Variants in RPRD2 observed in about 807,000 individuals in gnomAD.
RPRD2 encodes regulation of nuclear pre-mRNA domain-containing protein 2.
A neutral mutation model predicts 104.4 loss-of-function variants in RPRD2; 12 were observed. The observed-to-expected ratio is 0.11, with a 90% CI of 0.07 to 0.19. The LOEUF is 0.19. RPRD2 is among the 10% of genes least tolerant of loss of function. The pLI is 1.00. For synonymous variants in RPRD2, 714 were observed against 684.9 expected (o/e 1.04, Z -0.66); for missense variants, 1,543 against 1,790.1 (o/e 0.86, Z 2.49).
intron 1 of RPRD2, among the ~76,000 whole-genome samples, chr1:150,374,330 C>G (rs1408243331): frequency 1.3e-5 from 2 of 152,220 alleles, no homozygotes; most frequent in South Asian, 2.1e-4. Context: ...CTTAGCCCTA[C>G]CTTGCCCCCT....
At chr1:150,370,546 T>C (rs1418459775) in intron 1 of RPRD2, among the ~76,000 whole-genome samples, 1 of 150,550 alleles carries the variant, frequency 6.6e-6, no homozygotes, top group Non-Finnish European at 1.5e-5. Flanking sequence ...AAATGGAAAA[T>C]ATTGTGTTAA....
intron 2 of RPRD2, among the ~76,000 whole-genome samples, chr1:150,429,727 T>C (rs1665422443): frequency 6.6e-6 from 1 of 152,248 alleles, no homozygotes; most frequent in Non-Finnish European, 1.5e-5. Flanking sequence ...AATCACTGTT[T>C]TGAAGAAGTT....
chr1:150,429,519 T>A (rs1160443149), intron 2 of RPRD2, among the ~76,000 whole-genome samples: 1 of 151,934 alleles, frequency 6.6e-6, no homozygotes, highest in Non-Finnish European at 1.5e-5. Context: ...CATACCTGGC[T>A]AATTTCTGTA....
chr1:150,368,887 C>T (rs993439947), intron 1 of RPRD2, among the ~76,000 whole-genome samples: 7 of 152,120 alleles, frequency 4.6e-5, no homozygotes, highest in Non-Finnish European at 8.8e-5. Context: ...GAATTACAGG[C>T]GTGAGCCACT....
intron 2 of RPRD2, among the ~76,000 whole-genome samples, chr1:150,438,279 G>A (rs1553893608): frequency 1.3e-5 from 2 of 151,876 alleles, no homozygotes; most frequent in Non-Finnish European, 2.9e-5. Context: ...GACAGAGCAA[G>A]ACTCATCTCA....
At chr1:150,467,897 G>A (rs587644903) in intron 10 of RPRD2, among the ~76,000 whole-genome samples, 1 of 152,198 alleles carries the variant, frequency 6.6e-6, no homozygotes, top group Non-Finnish European at 1.5e-5. Flanking sequence ...CCGGTGTGGT[G>A]GGTCACACCT....
chr1:150,473,291 C>A lies in RPRD2; in HGVS notation c.4343C>A (p.Pro1448Gln). 1 of 1,613,322 alleles carries A rather than the reference C, an allele frequency of 6.2e-7. No homozygotes were observed. The highest frequency in any genetic ancestry group is 8.5e-7 in the Non-Finnish European group (1 of 1,179,632). The change falls in exon 11 of 11, where the codon CCG (proline) becomes CAG (glutamine). Residue 1448 changes from proline to glutamine, a missense_variant. Pro to Gln is a moderately conservative substitution (Grantham distance 76, BLOSUM62 -1). Coordinates refer to ENST00000369068, the MANE Select transcript of RPRD2 (RefSeq NM_015203.5). ...AGGCCACCTTTTGCTAGGGGCCCTC[C>A]GTTCTTTGCACCAAAACGCCCATTC... Reference protein sequence around the residue: ...RPRPPFARGPPFFAPKRPFFP... With the variant: ...RPRPPFARGPQFFAPKRPFFP...
At chr1:150,400,229 A>G (rs1662868184) in intron 1 of RPRD2, among the ~76,000 whole-genome samples, 1 of 152,178 alleles carries the variant, frequency 6.6e-6, no homozygotes, top group Non-Finnish European at 1.5e-5. Context: ...CTGCAACCTT[A>G]CTAAACTTAC....
chr1:150,369,842 G>C (rs190746870), intron 1 of RPRD2, among the ~76,000 whole-genome samples: 1 of 150,958 alleles, frequency 6.6e-6, no homozygotes, highest in Non-Finnish European at 1.5e-5. Flanking sequence ...GTACAGTGGC[G>C]GAATCTCGGC....
Position 150,472,864 on chromosome 1 carries a change from C to T in RPRD2, c.3916C>T (p.Pro1306Ser), listed in dbSNP as rs1400703130. Residue 1306 changes from proline (P) to serine (S), a missense_variant, in exon 11 of 11, where the codon CCC becomes TCC. This residue lies in a region of RPRD2 where 880 missense variants were observed against 885.6 expected (regional missense o/e 0.99). Transcript: ENST00000369068. ...PPPVDHSGVV[P>S]FPAPPLAEHG... is the part of the protein sequence containing the mutation. Reference sequence around the variant, plus strand: ...CCCTGTTGACCACTCTGGAGTTGTACCCTTCCCAGCCCCACCACTGGCAGA... The same window carrying T: ...CCCTGTTGACCACTCTGGAGTTGTATCCTTCCCAGCCCCACCACTGGCAGA... The T allele has an allele frequency of 6.2e-7, 1 of 1,612,654 alleles. No individual in the cohort carries two copies.
chr1:150,376,251 C>CT (rs1660681457), intron 1 of RPRD2, among the ~76,000 whole-genome samples: 1 of 152,108 alleles, frequency 6.6e-6, no homozygotes, highest in Admixed American at 6.6e-5. Context: ...ATCTCTCTTT[C>CT]TTCACTTCTT....
intron 1 of RPRD2, among the ~76,000 whole-genome samples, chr1:150,381,662 G>A (rs375549356): frequency 6.6e-6 from 1 of 151,856 alleles, no homozygotes; most frequent in Non-Finnish European, 1.5e-5. Context: ...CCACCACTGC[G>A]CCTGGCTAAT....
chr1:150,446,509 T>C lies in RPRD2; in HGVS notation c.870+108T>C. The C allele has an allele frequency of 6.1e-6, 6 of 978,104 alleles. No individual in the cohort carries two copies. The South Asian group carries it at 1.1e-4, about 19-fold the overall frequency. 60.6% of individuals were successfully genotyped at this position (978,104 alleles called of 1,614,324 possible). A position where few individuals can be genotyped will look rare whatever the true frequency, so the allele number is the denominator to read the frequency against. On this transcript the variant is annotated intron_variant, in intron 7 of 10. Coordinates refer to ENST00000369068, the MANE Select transcript of RPRD2 (RefSeq NM_015203.5). Reference sequence around the variant, plus strand: ...TAGGATATGCATTTTTATCTCCTTATCGCAGATGAAATTACTTTTGGGATA... The same window carrying C: ...TAGGATATGCATTTTTATCTCCTTACCGCAGATGAAATTACTTTTGGGATA...
At chr1:150,371,559 T>A (rs1251460343) in intron 1 of RPRD2, among the ~76,000 whole-genome samples, 1 of 152,152 alleles carries the variant, frequency 6.6e-6, no homozygotes, top group Non-Finnish European at 1.5e-5. Context: ...TTGGTAGAGA[T>A]GGGGTTTCAC....
chr1:150,443,385 A>T, intron 5 of RPRD2, 102 bp downstream of exon 5: 1 of 865,946 alleles, frequency 1.2e-6, no homozygotes, highest in South Asian at 1.6e-5. Context: ...TCAATTACAC[A>T]TGTCATGTTT....
intron 2 of RPRD2, among the ~76,000 whole-genome samples, chr1:150,429,603 C>T (rs1321425928): frequency 6.6e-6 from 1 of 152,174 alleles, no homozygotes; most frequent in Non-Finnish European, 1.5e-5. Flanking sequence ...GATCCTCCCA[C>T]CTCGACCTAC....
intron 1 of RPRD2, among the ~76,000 whole-genome samples, chr1:150,384,683 T>TGTGTTTG (rs1560155301): frequency 8.5e-6 from 1 of 118,010 alleles, no homozygotes; most frequent in Non-Finnish European, 1.7e-5. Flanking sequence ...GTGTGTGTGT[T>TGTGTTTG]TTTAGTAGAG....
Position 150,475,490 on chromosome 1 carries a change from A to C in RPRD2, c.*2156A>C, listed in dbSNP as rs1314044349. 1.3e-5 allele frequency: 2 copies of C among 152,618 alleles called. No homozygotes were observed. Among genetic ancestry groups the C allele is most frequent in the Admixed American group, 1.3e-4 (2 of 15,268 alleles). The allele number at this position is 152,618 out of a possible 1,614,324, so 9.5% of individuals were successfully genotyped here. A position where few individuals can be genotyped will look rare whatever the true frequency, so the allele number is the denominator to read the frequency against. ...ACGTTGGGGCGGGATAATTGTCCTC[A>C]AAAGTATGATGGTTAATACATGAAA... On this transcript the variant is annotated 3_prime_UTR_variant, in exon 11 of 11. Coordinates refer to ENST00000369068, the MANE Select transcript of RPRD2 (RefSeq NM_015203.5).
intron 1 of RPRD2, among the ~76,000 whole-genome samples, chr1:150,370,292 G>A (rs1660203439): frequency 6.6e-6 from 1 of 152,128 alleles, no homozygotes; most frequent in Non-Finnish European, 1.5e-5. Flanking sequence ...GTTAACTCCG[G>A]TCACTTAATA....
Sources: allele counts gnomAD v4.1 joint callset (sites outside exome capture counted in the v4.1 genomes callset), GRCh38; gene constraint gnomAD v4.1.1; regional missense constraint gnomAD v4.1.1; transcripts MANE v1.5; gene names NCBI Gene and HGNC (gene_info 2026-07-23, HGNC 2026-07-21).